Variants in PDE4DIP observed in about 807,000 individuals in gnomAD.
PDE4DIP encodes the protein phosphodiesterase 4D interacting protein.
PDE4DIP carries 59 observed loss-of-function variants against 221.4 expected under a neutral mutation model. The observed-to-expected ratio is 0.27, with a 90% CI of 0.22 to 0.33. The LOEUF (loss-of-function observed/expected upper bound fraction) is 0.33. PDE4DIP is among the 10% of genes least tolerant of loss of function. The probability of loss-of-function intolerance (pLI) is 1.00; values close to 1 mark genes in which losing one functional copy is unlikely to be tolerated. For synonymous variants in PDE4DIP, 404 were observed against 815.9 expected (o/e 0.50, Z 8.60); for missense variants, 1,036 against 2,154.2 (o/e 0.48, Z 10.28).
At chr1:148,989,943 G>A (rs1310757531) in intron 21 of PDE4DIP, among the ~76,000 whole-genome samples, 1 of 152,132 alleles carries the variant, frequency 6.6e-6, no homozygotes, top group Non-Finnish European at 1.5e-5. Context: ...TGGTTTCTGG[G>A]GTTGGTTTGA....
chr1:148,997,581 C>T (rs1553566763), intron 22 of PDE4DIP, among the ~76,000 whole-genome samples: 7 of 152,058 alleles, frequency 4.6e-5, no homozygotes, highest in Non-Finnish European at 8.8e-5. Context: ...TCTTCCCTGT[C>T]GCTCCACCTT....
Position 148,817,833 on chromosome 1 carries a change from C to CT in PDE4DIP, c.233+9105dup, listed in dbSNP as rs57489174. Among the ~76,000 whole-genome samples, 12 of 112,852 alleles carry CT rather than the reference C, an allele frequency of 1.1e-4. 1 individual carries two copies. The highest frequency in any genetic ancestry group is 4.3e-4 in the Admixed American group (5 of 11,712). 74.0% of individuals were successfully genotyped at this position (112,852 alleles called of 152,430 possible). A position where few individuals can be genotyped will look rare whatever the true frequency, so the allele number is the denominator to read the frequency against. On this transcript the variant is annotated intron_variant, in intron 1 of 45. Coordinates refer to the PDE4DIP transcript ENST00000524974. The stretch of plus-strand genomic sequence containing the variant: ...TAACTTTCATGTATTAATTTTTTTT[C>CT]TTTTTTTTTGAGATGGAGTTTCACT...
intron 21 of PDE4DIP, chr1:148,989,110 T>C (rs2062476039): frequency 4.6e-6 from 1 of 217,676 alleles, no homozygotes; most frequent in Admixed American, 6.0e-5. Context: ...TGGTAAAAGA[T>C]GTCTAATGTC....
intron 41 of PDE4DIP, among the ~76,000 whole-genome samples, chr1:149,028,969 G>A (rs1444146537): frequency 3.9e-5 from 6 of 152,116 alleles, no homozygotes; most frequent in African/African-American, 9.7e-5. Flanking sequence ...TGAAGAAGGC[G>A]GAGACATCAT....
chr1:148,977,818 A>G (rs1553538808), intron 17 of PDE4DIP, 119 bp from the exon 21 acceptor site: 6 of 1,435,684 alleles, frequency 4.2e-6, no homozygotes, highest in Non-Finnish European at 5.7e-6. Flanking sequence ...GATGCTGTAG[A>G]GCCCTATTCA....
At chr1:148,951,675 TCTC>T in intron 5 of PDE4DIP, among the ~76,000 whole-genome samples, 1 of 152,408 alleles carries the variant, frequency 6.6e-6, no homozygotes, top group Non-Finnish European at 1.5e-5. Context: ...AAAGCCCATT[TCTC>T]TTCTACTATC....
chr1:149,007,088 G>C, intron 27 of PDE4DIP, 113 bp from the exon 31 acceptor site: 1 of 647,344 alleles, frequency 1.5e-6, no homozygotes, highest in East Asian at 2.7e-5. Context: ...AATTCAGCTT[G>C]GGGGAGTTCC....
chr1:149,028,612 A>G (rs2075856394), exon 41 of PDE4DIP: 2 of 1,609,126 alleles, frequency 1.2e-6, no homozygotes, highest in Non-Finnish European at 1.7e-6. Context: ...AGTGCCCTGC[A>G]CCATGCCCTA....
At chr1:148,859,648 C>T (rs1572046513) in intron 1 of PDE4DIP, among the ~76,000 whole-genome samples, 1 of 148,070 alleles carries the variant, frequency 6.8e-6, no homozygotes, top group South Asian at 2.1e-4. Context: ...CCTGGCGAAC[C>T]ACATATTAGC....
At chr1:148,964,340 T>G (rs1251437312) in intron 9 of PDE4DIP, among the ~76,000 whole-genome samples, 1 of 151,770 alleles carries the variant, frequency 6.6e-6, no homozygotes, top group African/African-American at 2.4e-5. Context: ...ACTCCCGACC[T>G]CTGGTGATCT....
chr1:148,975,949 A>T (rs1444707678), intron 17 of PDE4DIP, among the ~76,000 whole-genome samples: 19 of 151,850 alleles, frequency 1.3e-4, no homozygotes, highest in African/African-American at 3.4e-4. Context: ...TTCTGCTTAC[A>T]AACAGACTCA....
At chr1:148,955,624 A>T in intron 5 of PDE4DIP, among the ~76,000 whole-genome samples, 3 of 151,224 alleles carry the variant, frequency 2.0e-5, no homozygotes, top group Admixed American at 2.0e-4. Context: ...GAAGTATATT[A>T]ATTTAAGTAA....
chr1:148,965,070 A>G (rs2057891377), intron 9 of PDE4DIP, among the ~76,000 whole-genome samples: 1 of 152,046 alleles, frequency 6.6e-6, no homozygotes, highest in Non-Finnish European at 1.5e-5. Flanking sequence ...TGATTTAAAG[A>G]TTACTGACTT....
exon 40 of PDE4DIP, chr1:149,027,493 C>T (rs373115663): frequency 1.6e-6 from 1 of 632,576 alleles, no homozygotes; most frequent in Non-Finnish European, 2.8e-6. Flanking sequence ...GCATGGCCGC[C>T]ATGTCATTGG....
intron 14 of PDE4DIP, among the ~76,000 whole-genome samples, chr1:148,969,893 A>G (rs1699795): frequency 5.9e-5 from 9 of 151,654 alleles, no homozygotes; most frequent in Non-Finnish European, 1.2e-4. Flanking sequence ...TTTAGTAGAG[A>G]TGGGGTTTCA....
intron 1 of PDE4DIP, among the ~76,000 whole-genome samples, chr1:148,925,734 A>C (rs2046559810): frequency 6.7e-6 from 1 of 149,718 alleles, no homozygotes; most frequent in African/African-American, 2.4e-5. Flanking sequence ...TATCATGCAC[A>C]TTGTCTCATT....
chr1:149,001,730 C>A lies in PDE4DIP; in HGVS notation c.3277C>A (p.Leu1093Met), dbSNP rs376801661. Reference sequence around the variant, plus strand: ...TGAGACTGTGGTAACCAAAGAGGGTCTGAGTGAGAGTAGCCTTCAGGCTGA... The same window carrying A: ...TGAGACTGTGGTAACCAAAGAGGGTATGAGTGAGAGTAGCCTTCAGGCTGA... Residue 1093 changes from leucine to methionine, a missense_variant, in exon 24 of 44, where the codon CTG (leucine) becomes ATG (methionine). Transcript: ENST00000369354. The A allele has an allele frequency of 3.2e-5, 48 of 1,492,698 alleles. No homozygotes were observed. The highest frequency in any genetic ancestry group is 1.0e-4 in the Admixed American group (6 of 59,324). The allele number at this position is 1,492,698 out of a possible 1,614,324, so 92.5% of individuals were successfully genotyped here.
intron 1 of PDE4DIP, among the ~76,000 whole-genome samples, chr1:148,915,130 GT>G (rs1404013915): frequency 1.7e-5 from 2 of 115,366 alleles, no homozygotes; most frequent in African/African-American, 3.5e-5. Flanking sequence ...CTTTCTTCTG[GT>G]TTTTTTGTTT....
chr1:149,016,286 T>A lies in PDE4DIP; in HGVS notation c.5267-13T>A, dbSNP rs1553610550. 2 of 1,613,572 alleles carry A rather than the reference T, an allele frequency of 1.2e-6. No homozygotes were observed. On this transcript the variant is annotated splice_polypyrimidine_tract_variant and intron_variant, in intron 32 of 43. Transcript: ENST00000369354. ...ACCCCATTTGCTTCTTACTAATGTT[T>A]CTTTCTGCCCAGGTGCCAGCACTGT...
Sources: allele counts gnomAD v4.1 joint callset (sites outside exome capture counted in the v4.1 genomes callset), GRCh38; gene constraint gnomAD v4.1.1; transcripts MANE v1.5; gene names NCBI Gene and HGNC (gene_info 2026-07-23, HGNC 2026-07-21).